The following MME variants were observed in gnomAD, a reference collection of about 807,000 sequenced individuals.
MME encodes membrane metalloendopeptidase.
MME carries 98 observed loss-of-function variants against 113.2 expected under a neutral mutation model. The ratio of observed to expected loss-of-function variants is 0.87; its 90% CI spans 0.74 to 1.02. MME has a LOEUF of 1.02. MME is among the 50% of genes least tolerant of loss of function. The pLI is 0.00. For synonymous variants in MME, 292 were observed against 300.6 expected (o/e 0.97, Z 0.30); for missense variants, 836 against 896.0 (o/e 0.93, Z 0.86).
intron 7 of MME, 95 bp from the exon 8 acceptor site, chr3:155,118,651 G>C: frequency 1.2e-6 from 1 of 815,866 alleles, no homozygotes; most frequent in South Asian, 1.5e-5. Context: ...AGCAAGAGTA[G>C]GATCTTTCAC....
intron 3 of MME, 194 bp downstream of exon 3, chr3:155,085,288 T>C (rs1576700263): frequency 4.2e-6 from 2 of 475,382 alleles, no homozygotes; most frequent in Non-Finnish European, 7.6e-6. Flanking sequence ...CTGAAAAATA[T>C]ATTACTATTT....
chr3:155,029,213 A>G (rs934775092), intron 1 of MME, among the ~76,000 whole-genome samples: 3 of 152,142 alleles, frequency 2.0e-5, no homozygotes, highest in Admixed American at 6.5e-5. Flanking sequence ...TTACTTTTGT[A>G]TTAGTGTATT....
intron 3 of MME, among the ~76,000 whole-genome samples, chr3:155,095,004 T>C (rs914337013): frequency 2.0e-5 from 3 of 152,212 alleles, no homozygotes; most frequent in Non-Finnish European, 4.4e-5. Context: ...GGCTGCACTT[T>C]CAGTAGCCTC....
chr3:155,045,155 C>A (rs567305016), intron 1 of MME, among the ~76,000 whole-genome samples: 4 of 143,662 alleles, frequency 2.8e-5, no homozygotes, highest in Non-Finnish European at 6.1e-5. Context: ...TATAAAAAGA[C>A]TTTTTTTTTT....
intron 16 of MME, among the ~76,000 whole-genome samples, chr3:155,150,566 G>A (rs578139599): frequency 6.6e-6 from 1 of 152,130 alleles, no homozygotes; most frequent in South Asian, 2.1e-4. Context: ...CAGATACAAA[G>A]GTTCAAAACT....
chr3:155,139,272 T>TA (rs1382350108), intron 9 of MME, among the ~76,000 whole-genome samples: 3 of 152,158 alleles, frequency 2.0e-5, no homozygotes, highest in Non-Finnish European at 4.4e-5. Flanking sequence ...TGTTGTGTCT[T>TA]ACCTCAGCAT....
chr3:155,109,348 G>T lies in MME; in HGVS notation c.197-5646G>T, dbSNP rs534495963. ...AGCACCCAGCGGGAACTGGATCATG[G>T]GTGGTGTCTGGGTAGGAGGCTGTGG... On this transcript the variant is annotated intron_variant, in intron 3 of 22. Transcript: ENST00000360490. 3.9e-5 allele frequency among the ~76,000 whole-genome samples: 6 copies of T among 152,214 alleles called. No homozygotes were observed. In the East Asian group the frequency reaches 1.2e-3, roughly 29 times the overall value.
Position 155,144,417 on chromosome 3 carries a change from C to T in MME, c.1376C>T (p.Thr459Ile). ...TTTATTCAGACTTTAGATGACCTCA[C>T]TTGGATGGATGCCGAGACAAAAAAG... The part of the protein sequence containing the change: ...EVFIQTLDDL[T>I]WMDAETKKRA... Residue 459 changes from threonine to isoleucine, a missense_variant, in exon 14 of 23, where the codon ACT (threonine) becomes ATT (isoleucine). By Grantham distance (89) the Thr-to-Ile change is moderately conservative. Transcript: ENST00000360490. The T allele has an allele frequency of 6.2e-7, 1 of 1,613,050 alleles. No individual in the cohort carries two copies. Among genetic ancestry groups the T allele is most frequent in the Non-Finnish European group, 8.5e-7 (1 of 1,179,324 alleles).
At position 155,147,357 on chromosome 3, in the gene MME, G is replaced by A. The variant is rs77628088; in HGVS notation, c.1497+133G>A. On this transcript the variant is annotated intron_variant, in intron 15 of 22. Coordinates refer to ENST00000360490, the MANE Select transcript of MME (RefSeq NM_007289.4). Reference sequence around the variant, plus strand: ...GGTTGTATTATATAAAGCCTTCAACGCTGGTGCCAGAATGATATTTGTTTT... The same window carrying A: ...GGTTGTATTATATAAAGCCTTCAACACTGGTGCCAGAATGATATTTGTTTT... 120 of 676,980 alleles carry A rather than the reference G, an allele frequency of 1.8e-4. No individual in the cohort carries two copies. The African/African-American group carries it at 1.9e-3, about 11-fold the overall frequency. The allele number at this position is 676,980 out of a possible 1,614,324, so 41.9% of individuals were successfully genotyped here.
At chr3:155,042,928 ATATATATATATG>A (rs1334716466) in intron 1 of MME, among the ~76,000 whole-genome samples, 882 of 67,328 alleles carry the variant, frequency 0.013, 34 homozygotes, top group African/African-American at 0.045. Context: ...ATATATATAT[ATATATATATATG>A]TATATATATA....
At chr3:155,104,200 T>C (rs1474592994) in intron 3 of MME, among the ~76,000 whole-genome samples, 72 of 152,182 alleles carry the variant, frequency 4.7e-4, no homozygotes, top group Non-Finnish European at 5.9e-5. Flanking sequence ...GTCGGGTATA[T>C]AGAGGCCGTC....
At chr3:155,141,600 ATTGT>A (rs1559945572) in intron 10 of MME, among the ~76,000 whole-genome samples, 1 of 152,178 alleles carries the variant, frequency 6.6e-6, no homozygotes, top group Non-Finnish European at 1.5e-5. Context: ...GTTTGAATGA[ATTGT>A]TTATTAATAC....
chr3:155,066,934 C>T (rs1714398576), intron 1 of MME, among the ~76,000 whole-genome samples: 1 of 152,066 alleles, frequency 6.6e-6, no homozygotes, highest in Admixed American at 6.6e-5. Context: ...GAGATTTATC[C>T]TTATATAATA....
chr3:155,116,539 A>G lies in MME; in HGVS notation c.419A>G (p.Tyr140Cys). Residue 140 changes from tyrosine to cysteine, a missense_variant, in exon 5 of 23, where the codon TAC becomes TGC. Coordinates refer to ENST00000360490, the MANE Select transcript of MME (RefSeq NM_007289.4). ...IVAVQKAKALYRSCINESAID... is the reference protein window; with the variant it reads ...IVAVQKAKALCRSCINESAID... The stretch of plus-strand genomic sequence containing the variant: ...GCAGTGCAGAAAGCAAAAGCATTGT[A>G]CAGGTCTTGTATAAATGAATGTAAG... 1 of 1,611,104 alleles carries G rather than the reference A, an allele frequency of 6.2e-7. No individual in the cohort carries two copies. The highest frequency in any genetic ancestry group is 8.5e-7 in the Non-Finnish European group (1 of 1,177,820).
chr3:155,075,930 A>G (rs188882048), upstream of MME, among the ~76,000 whole-genome samples: 26 of 152,156 alleles, frequency 1.7e-4, no homozygotes, highest in East Asian at 4.8e-3. Context: ...TATTTTTGTT[A>G]ATGTTTGCTT....
At chr3:155,077,923 C>T (rs1329657945), upstream of MME, among the ~76,000 whole-genome samples, 5 of 151,412 alleles carry the variant, frequency 3.3e-5, no homozygotes, top group East Asian at 1.9e-4. Flanking sequence ...GAGTCCTCAC[C>T]GCCAGGCATG....
intron 1 of MME, among the ~76,000 whole-genome samples, chr3:155,046,682 C>T (rs6795592): frequency 0.053 from 8,067 of 152,146 alleles, 620 homozygotes; most frequent in African/African-American, 0.17. Flanking sequence ...AAGAGTGAGA[C>T]TTTGTCTCAA....
At chr3:155,137,368 T>C (rs11713572) in intron 8 of MME, among the ~76,000 whole-genome samples, 22,197 of 152,188 alleles carry the variant, frequency 0.15, 1,703 homozygotes, top group Middle Eastern at 0.22. Flanking sequence ...CATTTTTCCA[T>C]GAATAGTTGA....
At chr3:155,034,288 C>G (rs983404755) in intron 1 of MME, among the ~76,000 whole-genome samples, 1 of 152,116 alleles carries the variant, frequency 6.6e-6, no homozygotes, top group Admixed American at 6.6e-5. Flanking sequence ...TTTCTGAGTC[C>G]CAGAATGTGC....
Sources: gnomAD v4.1 joint callset for allele counts (sites outside exome capture counted in the v4.1 genomes callset) on GRCh38, gnomAD v4.1.1 for gene constraint, MANE v1.5 for transcripts, NCBI Gene and HGNC (gene_info 2026-07-23, HGNC 2026-07-21) for gene names.